PDE4D: variants seen among roughly 807,000 people sequenced by gnomAD.
PDE4D encodes phosphodiesterase 4D.
PDE4D carries 24 observed loss-of-function variants against 87.4 expected under a neutral mutation model. The observed-to-expected ratio is 0.27, with a 90% CI of 0.20 to 0.39. The LOEUF is 0.39. PDE4D is among the 10% of genes least tolerant of loss of function. The pLI is 1.00. For missense variants in PDE4D, 714 were observed against 1,041.0 expected, an observed-to-expected ratio of 0.69 and a Z score of 4.32; for synonymous variants, 384 against 383.2, an observed-to-expected ratio of 1.00 and a Z score of -0.02.
chr5:60,154,962 T>C (rs926663925), intron 2 of PDE4D, among the ~76,000 whole-genome samples: 11 of 152,246 alleles, frequency 7.2e-5, no homozygotes, highest in Admixed American at 5.9e-4. Context: ...CTTAGGTTCT[T>C]GTGAATATAT....
At chr5:60,281,639 C>CT (rs998982756) in intron 1 of PDE4D, among the ~76,000 whole-genome samples, 1 of 151,986 alleles carries the variant, frequency 6.6e-6, no homozygotes, top group African/African-American at 2.4e-5. Flanking sequence ...ATGACCAACC[C>CT]TTTTTTTAAA....
chr5:59,192,743 T>C (rs1009185674), intron 3 of PDE4D, among the ~76,000 whole-genome samples: 5 of 152,212 alleles, frequency 3.3e-5, no homozygotes, highest in Non-Finnish European at 7.3e-5. Context: ...CCCTTAGTTG[T>C]CTATACCAGA....
rs1741330418 is a variant in PDE4D, at chr5:59,180,760, C to T, written c.759-116G>A. ...TTAAAGAATTATTTTTAAGTTTGGA[C>T]ACGCAAATGATTTCTTTCAGACTAG... On this transcript the variant is annotated intron_variant, in intron 4 of 14. Transcript: ENST00000340635. 6.1e-6 allele frequency: 6 copies of T among 985,652 alleles called. No homozygotes were observed. In the Admixed American group the frequency reaches 1.3e-4, roughly 21 times the overall value. 61.1% of individuals were successfully genotyped at this position (985,652 alleles called of 1,614,324 possible). A position where few individuals can be genotyped will look rare whatever the true frequency, so the allele number is the denominator to read the frequency against.
At chr5:60,251,435 C>A (rs1051286003) in intron 1 of PDE4D, among the ~76,000 whole-genome samples, 1 of 151,922 alleles carries the variant, frequency 6.6e-6, no homozygotes, top group African/African-American at 2.4e-5. Context: ...ATTTAGCTCC[C>A]ACTTGTAAGT....
At chr5:59,593,624 C>T (rs189081276) in intron 1 of PDE4D, among the ~76,000 whole-genome samples, 37 of 152,300 alleles carry the variant, frequency 2.4e-4, no homozygotes, top group Middle Eastern at 6.8e-3. Flanking sequence ...AGTGAGGTCA[C>T]AGGGCAAACT....
chr5:60,060,216 C>A (rs1381544953), intron 2 of PDE4D, among the ~76,000 whole-genome samples: 1 of 152,034 alleles, frequency 6.6e-6, no homozygotes, highest in South Asian at 2.1e-4. Context: ...GATATGCCCA[C>A]ACTACTTTGA....
intron 2 of PDE4D, among the ~76,000 whole-genome samples, chr5:60,160,988 G>A (rs1782426917): frequency 6.6e-6 from 1 of 152,116 alleles, no homozygotes; most frequent in African/African-American, 2.4e-5. Flanking sequence ...AATTCATCAT[G>A]ATGTGCTGGG....
intron 5 of PDE4D, among the ~76,000 whole-genome samples, chr5:59,042,380 G>A (rs2153397083): frequency 6.6e-6 from 1 of 152,214 alleles, no homozygotes; most frequent in South Asian, 2.1e-4. Flanking sequence ...AGGAAATTGA[G>A]TCACCACACC....
At position 59,519,656 on chromosome 5, in the gene PDE4D, G is replaced by A. The variant is rs373532427; in HGVS notation, c.456-303688C>T. Among the ~76,000 whole-genome samples, 34 of 152,312 alleles carry A rather than the reference G, an allele frequency of 2.2e-4. 1 individual carries two copies. The highest frequency in any genetic ancestry group is 7.9e-4 in the African/African-American group (33 of 41,576). ...AGTTTAACAGACATAGCAAGAATTT[G>A]ACTTTGACTCTAGATGGCATGCCAT... On this transcript the variant is annotated intron_variant, in intron 1 of 14. Coordinates refer to ENST00000340635, the MANE Select transcript of PDE4D (RefSeq NM_001104631.2).
At chr5:59,060,168 C>T (rs181897231) in intron 5 of PDE4D, among the ~76,000 whole-genome samples, 4 of 152,154 alleles carry the variant, frequency 2.6e-5, no homozygotes, top group Admixed American at 6.6e-5. Context: ...TGGCTGGAGT[C>T]GGAGCAGCCA....
chr5:59,970,012 G>T (rs2152816847), intron 3 of PDE4D, among the ~76,000 whole-genome samples: 1 of 152,270 alleles, frequency 6.6e-6, no homozygotes, highest in Admixed American at 6.5e-5. Flanking sequence ...TGGAGAACAA[G>T]GACACCTGTA....
intron 1 of PDE4D, among the ~76,000 whole-genome samples, chr5:59,617,865 C>T (rs1284278327): frequency 6.6e-6 from 1 of 152,222 alleles, no homozygotes; most frequent in Non-Finnish European, 1.5e-5. Flanking sequence ...CAATTTTCTG[C>T]ATTCTGACTT....
chr5:59,042,418 A>G (rs1372085888), intron 5 of PDE4D, among the ~76,000 whole-genome samples: 1 of 152,216 alleles, frequency 6.6e-6, no homozygotes, highest in Non-Finnish European at 1.5e-5. Context: ...GTCGACAGCT[A>G]GCAGGACAAA....
intron 5 of PDE4D, among the ~76,000 whole-genome samples, chr5:59,161,302 C>T (rs1781064619): frequency 6.6e-6 from 1 of 152,142 alleles, no homozygotes; most frequent in Non-Finnish European, 1.5e-5. Flanking sequence ...AATAATACAT[C>T]AATCAATACA....
At chr5:59,897,797 G>A (rs981557633), upstream of PDE4D, among the ~76,000 whole-genome samples, 4 of 152,020 alleles carry the variant, frequency 2.6e-5, no homozygotes, top group African/African-American at 4.8e-5. Context: ...GCTTAAAATC[G>A]GAAATTTTCA....
At chr5:59,438,055 G>T (rs1461877972) in intron 1 of PDE4D, among the ~76,000 whole-genome samples, 1 of 152,118 alleles carries the variant, frequency 6.6e-6, no homozygotes, top group Non-Finnish European at 1.5e-5. Context: ...ACAGCTGCAT[G>T]GGGGAAACTG....
chr5:59,873,601 C>T (rs1012313188), intron 1 of PDE4D, among the ~76,000 whole-genome samples: 1 of 152,156 alleles, frequency 6.6e-6, no homozygotes, highest in Non-Finnish European at 1.5e-5. Flanking sequence ...GTTGGTTCGA[C>T]ACAGTACATT....
At chr5:60,444,060 A>T (rs1745449672) in intron 1 of PDE4D, among the ~76,000 whole-genome samples, 1 of 151,970 alleles carries the variant, frequency 6.6e-6, no homozygotes, top group Non-Finnish European at 1.5e-5. Context: ...TAGCTCAGGA[A>T]ATAGGTCCTC....
rs913727500 is a variant in PDE4D at position 59,836,672 on chromosome 5, T to C, written c.455+56496A>G. Among the ~76,000 whole-genome samples, 649 of 148,960 alleles carry C rather than the reference T, an allele frequency of 4.4e-3. 7 individuals are homozygous for C. The highest frequency in any genetic ancestry group is 0.024 in the South Asian group (112 of 4,626). On this transcript the variant is annotated intron_variant, in intron 1 of 14. Transcript: ENST00000340635. ...TATCTATCTATCATCTATCTACCTA[T>C]CTATCTATCTACCTATCTATCTATG...
Sources: allele counts gnomAD v4.1 joint callset (sites outside exome capture counted in the v4.1 genomes callset), GRCh38; gene constraint gnomAD v4.1.1; transcripts MANE v1.5; gene names NCBI Gene and HGNC (gene_info 2026-07-23, HGNC 2026-07-21).